The following THEMIS variants were observed in gnomAD, a reference collection of about 807,000 sequenced individuals.
THEMIS encodes the protein protein THEMIS.
In THEMIS, 37 loss-of-function variants were observed where a neutral mutation model predicts 52.6. The observed-to-expected ratio is 0.70, with a 90% CI of 0.54 to 0.93. THEMIS has a LOEUF of 0.93. THEMIS is among the 40% of genes least tolerant of loss of function. THEMIS has a pLI of 0.00. For synonymous variants in THEMIS, 292 were observed against 272.7 expected, an observed-to-expected ratio of 1.07 and a Z score of -0.70; for missense variants, 808 against 763.1, an observed-to-expected ratio of 1.06 and a Z score of -0.69.
At chr6:127,800,034 T>G (rs1314048538) in intron 4 of THEMIS, among the ~76,000 whole-genome samples, 1 of 152,224 alleles carries the variant, frequency 6.6e-6, no homozygotes, top group African/African-American at 2.4e-5. Flanking sequence ...TAAAATGTTG[T>G]TCATTATTTA....
the THEMIS span, among the ~76,000 whole-genome samples, chr6:127,702,044 CT>C: frequency 6.6e-6 from 1 of 151,552 alleles, no homozygotes; most frequent in East Asian, 1.9e-4. Context: ...GACTTATTTT[CT>C]TTCTTAGAGT....
At chr6:127,863,377 A>G (rs1779870786) in intron 1 of THEMIS, among the ~76,000 whole-genome samples, 3 of 152,170 alleles carry the variant, frequency 2.0e-5, no homozygotes, top group South Asian at 2.1e-4. Context: ...AATTCCATTT[A>G]TCTTAAGGTG....
At chr6:127,782,479 A>G (rs960286983) in intron 4 of THEMIS, among the ~76,000 whole-genome samples, 2 of 152,192 alleles carry the variant, frequency 1.3e-5, no homozygotes, top group Non-Finnish European at 2.9e-5. Flanking sequence ...CCATGGGAAA[A>G]GCATAGTATC....
intron 3 of THEMIS, among the ~76,000 whole-genome samples, chr6:127,820,565 A>G (rs1444452426): frequency 6.6e-6 from 1 of 152,106 alleles, no homozygotes; most frequent in Non-Finnish European, 1.5e-5. Flanking sequence ...AATCCAAAAT[A>G]TTTCAGATTA....
intron 1 of THEMIS, chr6:127,868,521 G>A (rs1780054583): frequency 1.0e-6 from 1 of 975,690 alleles, no homozygotes; most frequent in Non-Finnish European, 1.2e-6. Context: ...GGTTACAGAT[G>A]TGCCAACATA....
rs1774821685 is a variant in THEMIS at position 127,731,930 on chromosome 6, T to C, written c.1759-12107A>G. Among the ~76,000 whole-genome samples the C allele has an allele frequency of 3.6e-5, 5 of 140,048 alleles. No homozygotes were observed. In the South Asian group the frequency reaches 1.2e-3, roughly 34 times the overall value. The allele number at this position is 140,048 out of a possible 152,430, so 91.9% of individuals were successfully genotyped here. On this transcript the variant is annotated intron_variant, in intron 4 of 5. Coordinates refer to ENST00000368248, the MANE Select transcript of THEMIS (RefSeq NM_001010923.3). ...ACCCTGTTAGCCAGGATGGTCTCAA[T>C]CTCCTGACCTCATGATCCGCTCACC...
intron 3 of THEMIS, among the ~76,000 whole-genome samples, chr6:127,828,147 ATGT>A (rs895400370): frequency 6.6e-6 from 1 of 152,162 alleles, no homozygotes; most frequent in Non-Finnish European, 1.5e-5. Context: ...AATTTATTAA[ATGT>A]TGTAACCACT....
intron 4 of THEMIS, among the ~76,000 whole-genome samples, chr6:127,796,494 T>C (rs1226911688): frequency 6.6e-6 from 1 of 152,086 alleles, no homozygotes; most frequent in African/African-American, 2.4e-5. Flanking sequence ...TCCAAGGTGA[T>C]TGAAAACTAA....
At chr6:127,865,275 G>C (rs920248389) in intron 1 of THEMIS, among the ~76,000 whole-genome samples, 5 of 152,132 alleles carry the variant, frequency 3.3e-5, no homozygotes, top group African/African-American at 1.2e-4. Context: ...ACAGATGTTA[G>C]AGTGGCCAAA....
At position 127,737,512 on chromosome 6, in the gene THEMIS, T is replaced by C. The variant is rs896054054; in HGVS notation, c.1759-17689A>G. ...GCCACCCATATCTCAAGTATTCTCA[T>C]CTAATCTTAGCTCCTGGAATATTTA... On this transcript the variant is annotated intron_variant, in intron 4 of 5. Coordinates refer to ENST00000368248, the MANE Select transcript of THEMIS (RefSeq NM_001010923.3). Among the ~76,000 whole-genome samples the C allele has an allele frequency of 2.0e-5, 3 of 152,194 alleles. No homozygotes were observed. In the South Asian group the frequency reaches 6.2e-4, roughly 32 times the overall value.
intron 4 of THEMIS, among the ~76,000 whole-genome samples, chr6:127,725,548 T>G (rs774347871): frequency 3.9e-5 from 6 of 152,100 alleles, no homozygotes; most frequent in African/African-American, 7.2e-5. Flanking sequence ...TTATAAAAAC[T>G]AATTAATTCA....
chr6:127,849,771 G>GACCT (rs1779356185), intron 2 of THEMIS, among the ~76,000 whole-genome samples: 1 of 151,898 alleles, frequency 6.6e-6, no homozygotes, highest in African/African-American at 2.4e-5. Context: ...TGATATATAA[G>GACCT]ACCTGAAACC....
intron 1 of THEMIS, among the ~76,000 whole-genome samples, chr6:127,864,915 A>G (rs879668683): frequency 6.6e-6 from 1 of 152,216 alleles, no homozygotes; most frequent in Non-Finnish European, 1.5e-5. Context: ...AAAAAGGTGC[A>G]TAGGGCAGAG....
chr6:127,763,864 CCT>C (rs1562242287), intron 4 of THEMIS, among the ~76,000 whole-genome samples: 3 of 151,608 alleles, frequency 2.0e-5, no homozygotes, highest in African/African-American at 7.3e-5. Context: ...GAAGTTTTTC[CCT>C]GTTTCTTTTT....
the THEMIS span, among the ~76,000 whole-genome samples, chr6:127,698,899 A>G: frequency 6.6e-6 from 1 of 152,066 alleles, no homozygotes; most frequent in South Asian, 2.1e-4. Context: ...ACTGTTGTTA[A>G]TTTTTCACTT....
chr6:127,728,982 C>T (rs1033241628), intron 4 of THEMIS, among the ~76,000 whole-genome samples: 4 of 151,624 alleles, frequency 2.6e-5, no homozygotes, highest in Admixed American at 6.6e-5. Flanking sequence ...ACTTGAACCC[C>T]CCTCTCACTT....
intron 2 of THEMIS, among the ~76,000 whole-genome samples, chr6:127,851,341 GTGA>G (rs1345690232): frequency 1.3e-5 from 2 of 151,634 alleles, no homozygotes; most frequent in Admixed American, 6.6e-5. Context: ...GCCTAGACAT[GTGA>G]TGATCAAATG....
chr6:127,892,430 G>A, intron 1 of THEMIS, among the ~76,000 whole-genome samples: 1 of 152,138 alleles, frequency 6.6e-6, no homozygotes, highest in East Asian at 1.9e-4. Flanking sequence ...AGTGCTTCAT[G>A]ACACTTGTAT....
At chr6:127,867,242 T>C (rs1780011090) in intron 1 of THEMIS, among the ~76,000 whole-genome samples, 1 of 152,064 alleles carries the variant, frequency 6.6e-6, no homozygotes, top group Non-Finnish European at 1.5e-5. Context: ...AAGTAGTAGA[T>C]AGAAGAGTTG....
Sources: gnomAD v4.1 joint callset for allele counts (sites outside exome capture counted in the v4.1 genomes callset) on GRCh38, gnomAD v4.1.1 for gene constraint, MANE v1.5 for transcripts, NCBI Gene and HGNC (gene_info 2026-07-23, HGNC 2026-07-21) for gene names.